ASTN2: variants seen among roughly 807,000 people sequenced by gnomAD.
ASTN2 encodes the protein astrotactin 2.
In ASTN2, 54 loss-of-function variants were observed where a neutral mutation model predicts 139.8. The ratio of observed to expected loss-of-function variants is 0.39; its 90% confidence interval spans 0.31 to 0.48. The LOEUF is 0.48. Among genes scored for constraint, ASTN2 ranks in the 20% least tolerant of loss-of-function variants. The pLI is 0.95. For synonymous variants in ASTN2, 756 were observed against 719.5 expected (o/e 1.05, Z -0.81); for missense variants, 1,565 against 1,725.1 (o/e 0.91, Z 1.64).
chr9:116,963,056 C>G (rs189563006), intron 10 of ASTN2, among the ~76,000 whole-genome samples: 63 of 152,258 alleles, frequency 4.1e-4, no homozygotes, highest in African/African-American at 1.4e-3. Flanking sequence ...CATAGACTAC[C>G]AGGTGAGGGC....
chr9:116,826,781 C>G (rs1476531809), intron 11 of ASTN2, among the ~76,000 whole-genome samples: 2 of 152,110 alleles, frequency 1.3e-5, no homozygotes, highest in Non-Finnish European at 2.9e-5. Context: ...GGCCTAAAAC[C>G]AGGCACACTC....
chr9:117,112,326 A>G (rs1829271431), intron 4 of ASTN2, among the ~76,000 whole-genome samples: 1 of 152,068 alleles, frequency 6.6e-6, no homozygotes, highest in African/African-American at 2.4e-5. Flanking sequence ...AGTAATCCAC[A>G]ATAGCTAAGT....
At chr9:117,035,938 TG>T (rs1174724911) in intron 6 of ASTN2, among the ~76,000 whole-genome samples, 1 of 152,226 alleles carries the variant, frequency 6.6e-6, no homozygotes, top group Non-Finnish European at 1.5e-5. Flanking sequence ...TATATTTTCT[TG>T]CCTTGCCATA....
chr9:117,252,600 T>C (rs1241645867), intron 2 of ASTN2, among the ~76,000 whole-genome samples: 1 of 152,312 alleles, frequency 6.6e-6, no homozygotes, highest in Admixed American at 6.5e-5. Flanking sequence ...CAAATCGTTA[T>C]GTTGTTAGAG....
chr9:117,229,091 C>T (rs1428310878), intron 2 of ASTN2, among the ~76,000 whole-genome samples: 1 of 152,160 alleles, frequency 6.6e-6, no homozygotes, highest in African/African-American at 2.4e-5. Flanking sequence ...AATTGCCCAG[C>T]TACCTGTCAC....
At chr9:117,230,824 CCA>C (rs1208566339) in intron 2 of ASTN2, among the ~76,000 whole-genome samples, 1 of 152,094 alleles carries the variant, frequency 6.6e-6, no homozygotes, top group Non-Finnish European at 1.5e-5. Flanking sequence ...ACGAAAGATT[CCA>C]CAGAGAAGGC....
chr9:116,630,604 A>G (rs17292547), intron 17 of ASTN2, among the ~76,000 whole-genome samples: 5,971 of 152,266 alleles, frequency 0.039, 202 homozygotes, highest in Non-Finnish European at 0.053. Context: ...CGACAACCAA[A>G]TAATGACTTA....
intron 10 of ASTN2, among the ~76,000 whole-genome samples, chr9:116,878,840 A>T (rs1306505904): frequency 2.0e-5 from 3 of 151,800 alleles, no homozygotes; most frequent in Non-Finnish European, 2.9e-5. Flanking sequence ...ATTTATTCAT[A>T]AAGTACCCAC....
rs1833517486 is a variant in ASTN2, at chr9:117,250,842, AG to A, written c.631-36101del. Among the ~76,000 whole-genome samples, 4 of 152,326 alleles carry A rather than the reference AG, an allele frequency of 2.6e-5. No homozygotes were observed. In the South Asian group the frequency reaches 8.3e-4, roughly 32 times the overall value. On this transcript the variant is annotated intron_variant, in intron 2 of 22. Coordinates refer to ENST00000313400, the MANE Select transcript of ASTN2 (RefSeq NM_001365068.1). ...TCTAGCCTGGGGTGAAAGGTCCCCAAGGGCTTCTAGGAGGAAGTAATATCTC... is the reference window on the plus strand; with the variant it reads ...TCTAGCCTGGGGTGAAAGGTCCCCAAGGCTTCTAGGAGGAAGTAATATCTC...
chr9:116,482,355 C>T (rs1225769292), intron 20 of ASTN2, among the ~76,000 whole-genome samples: 2 of 152,078 alleles, frequency 1.3e-5, no homozygotes, highest in Admixed American at 1.3e-4. Context: ...CAAAAAAACA[C>T]TACCCTATCT....
intron 11 of ASTN2, among the ~76,000 whole-genome samples, chr9:116,847,014 AAAAAAAAAAAAACAAAAAAC>A (rs1233342525): frequency 7.0e-6 from 1 of 142,006 alleles, no homozygotes; most frequent in East Asian, 2.2e-4. Flanking sequence ...TCTCAAAAAA[AAAAAAAAAAAAACAAAAAAC>A]AAAAAACAAA....
In ASTN2 at chr9:117,225,858, G is replaced by A. The variant is rs1442942204; in HGVS notation, c.631-11116C>T. 3.3e-5 allele frequency among the ~76,000 whole-genome samples: 5 copies of A among 151,954 alleles called. No individual in the cohort carries two copies. The East Asian group carries it at 5.8e-4, about 18-fold the overall frequency. On this transcript the variant is annotated intron_variant, in intron 2 of 22. Coordinates refer to ENST00000313400, the MANE Select transcript of ASTN2 (RefSeq NM_001365068.1). ...TTGACCTGCATAAAACATTCAATAC[G>A]TGGTAGTCATTGGCTTAACTCTTAC...
At chr9:116,639,900 C>A (rs1255516462) in intron 17 of ASTN2, among the ~76,000 whole-genome samples, 1 of 151,896 alleles carries the variant, frequency 6.6e-6, no homozygotes, top group Non-Finnish European at 1.5e-5. Context: ...AGCTGGTGAC[C>A]TTTTTTTCAC....
Position 117,306,953 on chromosome 9 carries a change from C to T in ASTN2, c.443-15440G>A, listed in dbSNP as rs376426211. Among the ~76,000 whole-genome samples the T allele has an allele frequency of 4.6e-5, 7 of 152,256 alleles. No individual in the cohort carries two copies. The East Asian group carries it at 7.7e-4, about 17-fold the overall frequency. Reference sequence around the variant, plus strand: ...TTGTGATGGGCAGGTGTGCCTATCACAGAGGGAATCAGGCTGTTTACTGGC... The same window carrying T: ...TTGTGATGGGCAGGTGTGCCTATCATAGAGGGAATCAGGCTGTTTACTGGC... On this transcript the variant is annotated intron_variant, in intron 1 of 22. Coordinates refer to ENST00000313400, the MANE Select transcript of ASTN2 (RefSeq NM_001365068.1).
intron 2 of ASTN2, among the ~76,000 whole-genome samples, chr9:117,280,700 G>C (rs930565098): frequency 6.6e-6 from 1 of 152,154 alleles, no homozygotes; most frequent in Non-Finnish European, 1.5e-5. Context: ...ATAAATTTCT[G>C]TTGTCTTAAG....
intron 16 of ASTN2, among the ~76,000 whole-genome samples, chr9:116,677,380 C>T (rs577379846): frequency 6.6e-6 from 1 of 152,094 alleles, no homozygotes; most frequent in Non-Finnish European, 1.5e-5. Flanking sequence ...CTCTCAAAAT[C>T]AAACACTCTG....
chr9:117,029,488 G>A lies in ASTN2; in HGVS notation c.1423+10331C>T, dbSNP rs534538160. Among the ~76,000 whole-genome samples, 51 of 152,054 alleles carry A rather than the reference G, an allele frequency of 3.4e-4. No individual in the cohort carries two copies. The Middle Eastern group carries it at 0.01, about 30-fold the overall frequency. ...AGCTTGGGATACTTGTGTGCCCATC[G>A]GTGTCTCCACAGCATCTAGGACAAT... On this transcript the variant is annotated intron_variant, in intron 6 of 22. Transcript: ENST00000313400.
chr9:116,960,473 AT>A (rs34290104), intron 10 of ASTN2, among the ~76,000 whole-genome samples: 131,934 of 148,398 alleles, frequency 0.89, 59,469 homozygotes, highest in East Asian at 0.99. Context: ...TCTAGGCCTG[AT>A]TTTTTTTTTT....
At chr9:116,801,727 G>C (rs1030462470) in intron 13 of ASTN2, among the ~76,000 whole-genome samples, 6 of 151,928 alleles carry the variant, frequency 3.9e-5, no homozygotes, top group Admixed American at 3.9e-4. Context: ...ATGGTTCCAA[G>C]AGGATACATG....
Sources: gnomAD v4.1 joint callset for allele counts (sites outside exome capture counted in the v4.1 genomes callset) on GRCh38, gnomAD v4.1.1 for gene constraint, MANE v1.5 for transcripts, NCBI Gene and HGNC (gene_info 2026-07-23, HGNC 2026-07-21) for gene names.